Variants in RNMT observed in about 807,000 individuals in gnomAD.
The protein encoded by RNMT is RNA guanine-7 methyltransferase.
In RNMT, 27 loss-of-function variants were observed where a neutral mutation model predicts 56.0. That is an observed-to-expected ratio of 0.48 (90% CI 0.36 to 0.67). The LOEUF is 0.67. Among genes scored for constraint, RNMT ranks in the 30% least tolerant of loss-of-function variants. The pLI, the probability that RNMT is intolerant of heterozygous loss-of-function variation, is 0.00. For synonymous variants in RNMT, 184 were observed against 176.2 expected (o/e 1.04, Z -0.35); for missense variants, 519 against 552.1 (o/e 0.94, Z 0.60).
In RNMT at chr18:13,760,185, C is replaced by G; in HGVS notation, c.*206C>G. On this transcript the variant is annotated 3_prime_UTR_variant, in exon 12 of 12. Transcript: ENST00000383314. ...TGTATATAAGAATGAGTTGGGACCT[C>G]TGTCTTTAAAAATCTATTTTTAGGT... 1 of 1,265,018 alleles carries G rather than the reference C, an allele frequency of 7.9e-7. No homozygotes were observed. The highest frequency in any genetic ancestry group is 1.0e-6 in the Non-Finnish European group (1 of 1,004,936). 78.4% of individuals were successfully genotyped at this position (1,265,018 alleles called of 1,614,324 possible).
rs1200474974 is a variant in RNMT, at chr18:13,740,294, T to C, written c.792+15T>C. On this transcript the variant is annotated intron_variant, in intron 6 of 11. Transcript: ENST00000383314. Reference sequence around the variant, plus strand: ...ACAGCTCAAAGGTACAGTTTCTTTCTTTGGTCAATTTATTTTTTACATTTT... The same window carrying C: ...ACAGCTCAAAGGTACAGTTTCTTTCCTTGGTCAATTTATTTTTTACATTTT... 2.4e-6 allele frequency: 3 copies of C among 1,249,868 alleles called. No homozygotes were observed. The highest frequency in any genetic ancestry group is 3.5e-6 in the Non-Finnish European group (3 of 868,738). 77.4% of individuals were successfully genotyped at this position (1,249,868 alleles called of 1,614,324 possible). A position where few individuals can be genotyped will look rare whatever the true frequency, so the allele number is the denominator to read the frequency against.
At position 13,731,522 on chromosome 18, in the gene RNMT, C is replaced by T; in HGVS notation, c.5C>T (p.Ala2Val). The T allele has an allele frequency of 1.3e-6, 2 of 1,583,946 alleles. No individual in the cohort carries two copies. The highest frequency in any genetic ancestry group is 2.7e-5 in the African/African-American group (2 of 73,296). The stretch of plus-strand genomic sequence containing the variant: ...CATCAATTCAAGTAATCATAAATGG[C>T]AAATTCTGCAAAAGCAGAAGAATAT... M[A>V]NSAKAEEYEK... Residue 2 changes from alanine to valine, a missense_variant, in exon 3 of 12, where the codon GCA becomes GTA. Transcript: ENST00000383314.
intron 4 of RNMT, 122 bp downstream of exon 4, chr18:13,734,721 T>C: frequency 2.5e-6 from 2 of 799,180 alleles, no homozygotes; most frequent in Non-Finnish European, 3.8e-6. Context: ...TATTTACTTT[T>C]GGTTGACTGT....
chr18:13,726,775 G>A (rs1024552125), intron 1 of RNMT, 46 bp downstream of exon 1: 1 of 152,380 alleles, frequency 6.6e-6, no homozygotes, highest in African/African-American at 2.4e-5. Flanking sequence ...CTTTGTGTTT[G>A]TCCCTCGGCC....
chr18:13,759,822 A>G (rs1430952013), intron 11 of RNMT, 120 bp from the exon 12 acceptor site: 19 of 770,504 alleles, frequency 2.5e-5, no homozygotes, highest in Non-Finnish European at 3.7e-5. Context: ...ATTAATGGGG[A>G]TTTTCCTCTT....
intron 4 of RNMT, among the ~76,000 whole-genome samples, chr18:13,735,465 C>G (rs915473907): frequency 1.3e-5 from 2 of 148,392 alleles, no homozygotes; most frequent in South Asian, 4.2e-4. Context: ...TTATTTGACT[C>G]TGCCATGTGT....
At chr18:13,732,763 G>A (rs1450459348) in intron 3 of RNMT, among the ~76,000 whole-genome samples, 4 of 3,332 alleles carry the variant, frequency 1.2e-3, no homozygotes, top group African/African-American at 3.2e-3. Context: ...TTTTTTTTTT[G>A]GAGACAGAGT....
At position 13,752,511 on chromosome 18, in the gene RNMT, G is replaced by A; in HGVS notation, c.1359+84G>A. On this transcript the variant is annotated intron_variant, in intron 10 of 11. Transcript: ENST00000383314. Reference sequence around the variant, plus strand: ...GGAGACATAGGAAATGATTTCACTTGTTTACAATACTTAGGCTCACTGACT... The same window carrying A: ...GGAGACATAGGAAATGATTTCACTTATTTACAATACTTAGGCTCACTGACT... 4.8e-6 allele frequency: 4 copies of A among 837,246 alleles called. No homozygotes were observed. In the Middle Eastern group the frequency reaches 9.0e-4, roughly 189 times the overall value. The allele number at this position is 837,246 out of a possible 1,614,324, so 51.9% of individuals were successfully genotyped here.
intron 11 of RNMT, among the ~76,000 whole-genome samples, chr18:13,759,270 A>G (rs2044591107): frequency 6.6e-6 from 1 of 152,224 alleles, no homozygotes; most frequent in South Asian, 2.1e-4. Flanking sequence ...GTAAAGCTAA[A>G]TAAAGCTAGG....
At position 13,762,451 on chromosome 18, in the gene RNMT, G is replaced by A; in HGVS notation, c.*2472G>A. 1 of 312,228 alleles carries A rather than the reference G, an allele frequency of 3.2e-6. No homozygotes were observed. The highest frequency in any genetic ancestry group is 4.5e-5 in the South Asian group (1 of 22,458). The allele number at this position is 312,228 out of a possible 1,614,324, so 19.3% of individuals were successfully genotyped here. The stretch of plus-strand genomic sequence containing the variant: ...CTGCACCATCAGGCTTGGCCCTGCT[G>A]TGCCTTCAGTACCCAGCCAGGTTCT... On this transcript the variant is annotated 3_prime_UTR_variant, in exon 12 of 12. Transcript: ENST00000383314.
At chr18:13,748,456 G>A (rs1184039720) in intron 9 of RNMT, among the ~76,000 whole-genome samples, 1 of 152,164 alleles carries the variant, frequency 6.6e-6, no homozygotes, top group Non-Finnish European at 1.5e-5. Context: ...TGGTTTGGAG[G>A]GACTTTGAGA....
chr18:13,728,362 GC>G (rs1568494985), intron 1 of RNMT, among the ~76,000 whole-genome samples: 3 of 134,370 alleles, frequency 2.2e-5, no homozygotes, highest in Admixed American at 8.0e-5. Context: ...GTGTGACGGA[GC>G]CTTGCTCTGT....
At chr18:13,737,968 G>A (rs1033875500) in intron 5 of RNMT, among the ~76,000 whole-genome samples, 35 of 150,912 alleles carry the variant, frequency 2.3e-4, no homozygotes, top group African/African-American at 7.5e-4. Context: ...TTTTGCTACG[G>A]AAGCCATTAA....
rs2044633775 is a variant in RNMT at position 13,762,587 on chromosome 18, C to T, written c.*2608C>T. On this transcript the variant is annotated 3_prime_UTR_variant, in exon 12 of 12. Coordinates refer to ENST00000383314, the MANE Select transcript of RNMT (RefSeq NM_003799.3). ...TTGAAATGACTGAAAGGTAGATTGC[C>T]AGCACAGTGAGTTTCCCAGCCTGCT... 5.1e-6 allele frequency: 1 copy of T among 195,396 alleles called. No homozygotes were observed. Among genetic ancestry groups the T allele is most frequent in the African/African-American group, 2.4e-5 (1 of 42,322 alleles). The allele number at this position is 195,396 out of a possible 1,614,324, so 12.1% of individuals were successfully genotyped here.
rs543068285 is a variant in RNMT at position 13,760,926 on chromosome 18, A to C, written c.*947A>C. 1 of 985,414 alleles carries C rather than the reference A, an allele frequency of 1.0e-6. No homozygotes were observed. The highest frequency in any genetic ancestry group is 1.2e-6 in the Non-Finnish European group (1 of 829,910). 61.0% of individuals were successfully genotyped at this position (985,414 alleles called of 1,614,324 possible). On this transcript the variant is annotated 3_prime_UTR_variant, in exon 12 of 12. Transcript: ENST00000383314. ...CATTGTTAAAGTTGTCACTTGTGTA[A>C]CTGACTGCTTTTCCAAAACTGGTAC...
intron 8 of RNMT, among the ~76,000 whole-genome samples, chr18:13,743,686 A>G (rs905200500): frequency 6.6e-6 from 1 of 151,958 alleles, no homozygotes; most frequent in Admixed American, 6.6e-5. Flanking sequence ...TTGATTTTCT[A>G]CTTTTTAGAA....
intron 1 of RNMT, among the ~76,000 whole-genome samples, chr18:13,727,184 C>G (rs1364416190): frequency 1.3e-5 from 2 of 152,218 alleles, no homozygotes; most frequent in Non-Finnish European, 2.9e-5. Context: ...GCGGGCGGGT[C>G]GGGACTTAGA....
rs897402448 is a variant in RNMT at position 13,741,117 on chromosome 18, A to G, written c.793-393A>G. On this transcript the variant is annotated intron_variant, in intron 6 of 11. Coordinates refer to ENST00000383314, the MANE Select transcript of RNMT (RefSeq NM_003799.3). ...GAAAGTGAAAAAGATAAGTGGGAGT[A>G]TACTGCCAGAAAGTTGTAATACCTT... 3.3e-5 allele frequency among the ~76,000 whole-genome samples: 5 copies of G among 152,370 alleles called. No individual in the cohort carries two copies. The East Asian group carries it at 9.6e-4, about 29-fold the overall frequency.
chr18:13,744,304 G>C (rs2044315453), intron 8 of RNMT, among the ~76,000 whole-genome samples: 1 of 151,560 alleles, frequency 6.6e-6, no homozygotes, highest in South Asian at 2.1e-4. Context: ...TGGGGGTTTT[G>C]AGATGCCTTT....
Sources: allele counts gnomAD v4.1 joint callset (sites outside exome capture counted in the v4.1 genomes callset), GRCh38; gene constraint gnomAD v4.1.1; transcripts MANE v1.5; gene names NCBI Gene and HGNC (gene_info 2026-07-23, HGNC 2026-07-21).